Variants in OSBPL1A observed in about 807,000 individuals in gnomAD.
OSBPL1A encodes oxysterol-binding protein-related protein 1.
OSBPL1A carries 80 observed loss-of-function variants against 137.1 expected under a neutral mutation model. That is an observed-to-expected ratio of 0.58 (90% CI 0.49 to 0.70). The LOEUF is 0.70. Ranked by LOEUF, OSBPL1A falls within the 30% of genes least tolerant of loss-of-function variation. The pLI, the probability that OSBPL1A is intolerant of heterozygous loss-of-function variation, is 0.00. For missense variants in OSBPL1A, 970 were observed against 1,129.4 expected (o/e 0.86, Z 2.02); for synonymous variants, 365 against 389.7 (o/e 0.94, Z 0.75).
intron 1 of OSBPL1A, among the ~76,000 whole-genome samples, chr18:24,384,734 G>T (rs1275471670): frequency 6.6e-6 from 1 of 151,900 alleles, no homozygotes; most frequent in East Asian, 2.0e-4. Context: ...GCCAAGCGTG[G>T]TGGTGGGCCC....
chr18:24,336,426 T>C (rs1323271710), intron 5 of OSBPL1A, among the ~76,000 whole-genome samples: 1 of 152,172 alleles, frequency 6.6e-6, no homozygotes, highest in Non-Finnish European at 1.5e-5. Context: ...AACTGCTGAT[T>C]ACATCAATGA....
chr18:24,393,945 T>C (rs1907551587), intron 1 of OSBPL1A, among the ~76,000 whole-genome samples: 1 of 152,236 alleles, frequency 6.6e-6, no homozygotes, highest in Non-Finnish European at 1.5e-5. Flanking sequence ...GAGCAAATTA[T>C]AAAGCCTATT....
At chr18:24,197,950 C>T (rs1402352956) in intron 17 of OSBPL1A, among the ~76,000 whole-genome samples, 2 of 151,892 alleles carry the variant, frequency 1.3e-5, no homozygotes, top group African/African-American at 2.4e-5. Flanking sequence ...CCATGCCCGG[C>T]TAATTTTTTG....
intron 7 of OSBPL1A, among the ~76,000 whole-genome samples, chr18:24,322,507 A>T (rs957424677): frequency 3.3e-5 from 5 of 152,002 alleles, no homozygotes; most frequent in Non-Finnish European, 7.4e-5. Flanking sequence ...TTACTTCTTT[A>T]GTGGGGAAAA....
chr18:24,366,607 T>TAA lies in OSBPL1A; in HGVS notation c.282+284_282+285insTT, dbSNP rs1443095779. On this transcript the variant is annotated intron_variant, in intron 4 of 27. Coordinates refer to ENST00000319481, the MANE Select transcript of OSBPL1A (RefSeq NM_080597.4). ...ATACCTCAATGAAGCTATTTTTTTT[T>TAA]TAAAAAAAAGAATAATCAGGAGTTC... 143 of 270,298 alleles carry TAA rather than the reference T, an allele frequency of 5.3e-4. 1 individual carries two copies. The highest frequency in any genetic ancestry group is 3.0e-3 in the African/African-American group (134 of 44,846). The allele number at this position is 270,298 out of a possible 1,614,324, so 16.7% of individuals were successfully genotyped here. A position where few individuals can be genotyped will look rare whatever the true frequency, so the allele number is the denominator to read the frequency against.
At position 24,295,026 on chromosome 18, in the gene OSBPL1A, C is replaced by T. The variant is rs145807219; in HGVS notation, c.1174+8611G>A. Among the ~76,000 whole-genome samples, 300 of 152,292 alleles carry T rather than the reference C, an allele frequency of 2.0e-3. 1 individual carries two copies. The highest frequency in any genetic ancestry group is 7.0e-3 in the African/African-American group (290 of 41,566). ...TAGAGGTTGTACTAATTTACATTCC[C>T]ACCAGCAGTGTGAAAGTGTTCCCTT... is the stretch of plus-strand genomic sequence containing the variant. On this transcript the variant is annotated intron_variant, in intron 14 of 27. Coordinates refer to ENST00000319481, the MANE Select transcript of OSBPL1A (RefSeq NM_080597.4).
chr18:24,354,979 C>T (rs543592434), intron 4 of OSBPL1A, among the ~76,000 whole-genome samples: 1 of 152,186 alleles, frequency 6.6e-6, no homozygotes, highest in African/African-American at 2.4e-5. Context: ...GCTTCTACTG[C>T]CTTGGGGTCC....
chr18:24,197,070 G>GAACTCCT (rs2087056286), intron 17 of OSBPL1A, among the ~76,000 whole-genome samples: 2 of 152,140 alleles, frequency 1.3e-5, no homozygotes, highest in African/African-American at 2.4e-5. Flanking sequence ...GTTGCTGGCC[G>GAACTCCT]GGTGTGGTGG....
At chr18:24,259,339 T>C (rs2089380595) in intron 15 of OSBPL1A, among the ~76,000 whole-genome samples, 1 of 152,194 alleles carries the variant, frequency 6.6e-6, no homozygotes, top group South Asian at 2.1e-4. Flanking sequence ...CAGAGACTGC[T>C]AATTTCTCCC....
intron 21 of OSBPL1A, among the ~76,000 whole-genome samples, chr18:24,176,365 CAT>C (rs1275504350): frequency 6.6e-6 from 1 of 152,178 alleles, no homozygotes; most frequent in Non-Finnish European, 1.5e-5. Context: ...TAGTTTTCAA[CAT>C]ACACATCCTT....
intron 5 of OSBPL1A, 31 bp from the exon 6 acceptor site, chr18:24,334,361 C>T: frequency 6.6e-7 from 1 of 1,521,940 alleles, no homozygotes; most frequent in Non-Finnish European, 9.0e-7. Flanking sequence ...TTATCCACTG[C>T]TAGTCAGGAT....
chr18:24,313,742 A>G, intron 12 of OSBPL1A, among the ~76,000 whole-genome samples: 1 of 152,190 alleles, frequency 6.6e-6, no homozygotes, highest in Admixed American at 6.5e-5. Context: ...TATGAACAGA[A>G]AATACCTGCA....
intron 17 of OSBPL1A, among the ~76,000 whole-genome samples, chr18:24,205,493 C>A (rs1425274306): frequency 2.0e-5 from 3 of 152,196 alleles, no homozygotes; most frequent in Non-Finnish European, 4.4e-5. Context: ...AATACACATT[C>A]ACCCCATATG....
chr18:24,380,274 A>T (rs184162783), intron 1 of OSBPL1A, among the ~76,000 whole-genome samples: 1 of 152,360 alleles, frequency 6.6e-6, no homozygotes, highest in East Asian at 1.9e-4. Flanking sequence ...AAACCAAGGA[A>T]GAGGAAGACA....
intron 17 of OSBPL1A, among the ~76,000 whole-genome samples, chr18:24,198,092 T>C (rs2087092666): frequency 6.6e-6 from 1 of 152,036 alleles, no homozygotes; most frequent in Admixed American, 6.6e-5. Flanking sequence ...CCAGCCAAAT[T>C]TTCCTTCTAC....
rs9675474 is a variant in OSBPL1A, at chr18:24,227,591, T to C, written c.1445-2393A>G. 9.7e-3 allele frequency among the ~76,000 whole-genome samples: 1,477 copies of C among 152,058 alleles called. 23 individuals carry two copies. The highest frequency in any genetic ancestry group is 0.033 in the African/African-American group (1,372 of 41,460). Reference sequence around the variant, plus strand: ...AAAGAGATCAGTTAGTTTTCTGGAGTAGGCACAGGGTTGTCAGGAAAGGCT... The same window carrying C: ...AAAGAGATCAGTTAGTTTTCTGGAGCAGGCACAGGGTTGTCAGGAAAGGCT... On this transcript the variant is annotated intron_variant, in intron 16 of 27. Coordinates refer to ENST00000319481, the MANE Select transcript of OSBPL1A (RefSeq NM_080597.4).
At position 24,193,922 on chromosome 18, in the gene OSBPL1A, C is replaced by T. The variant is rs77417321; in HGVS notation, c.1677+2203G>A. 9.6e-3 allele frequency among the ~76,000 whole-genome samples: 1,464 copies of T among 152,214 alleles called. 8 individuals carry two copies. The highest frequency in any genetic ancestry group is 0.014 in the Non-Finnish European group (918 of 67,998). On this transcript the variant is annotated intron_variant, in intron 18 of 27. Coordinates refer to ENST00000319481, the MANE Select transcript of OSBPL1A (RefSeq NM_080597.4). ...ATGTGCCTAAACATAAAAGTAAAAC[C>T]GCATTCTAGAGAAACAGAGTATCTT...
At chr18:24,199,496 C>G (rs1181317401) in intron 17 of OSBPL1A, among the ~76,000 whole-genome samples, 1 of 152,084 alleles carries the variant, frequency 6.6e-6, no homozygotes, top group Non-Finnish European at 1.5e-5. Flanking sequence ...TGACCTCCTA[C>G]CCCCAAACAG....
chr18:24,178,256 T>C, intron 20 of OSBPL1A, 61 bp from the exon 21 acceptor site: 1 of 1,371,692 alleles, frequency 7.3e-7, no homozygotes, highest in Non-Finnish European at 9.8e-7. Flanking sequence ...AACTCTATCA[T>C]TAAACATGTA....
Sources: gnomAD v4.1 joint callset for allele counts (sites outside exome capture counted in the v4.1 genomes callset) on GRCh38, gnomAD v4.1.1 for gene constraint, MANE v1.5 for transcripts, NCBI Gene and HGNC (gene_info 2026-07-23, HGNC 2026-07-21) for gene names.